ARHGAP44: variants seen among roughly 807,000 people sequenced by gnomAD.
The protein encoded by ARHGAP44 is rho GTPase-activating protein 44.
In ARHGAP44, 43 loss-of-function variants were observed where a neutral mutation model predicts 106.8. The observed-to-expected ratio is 0.40, with a 90% CI of 0.32 to 0.52. The LOEUF is 0.52. Among genes scored for constraint, ARHGAP44 ranks in the 20% least tolerant of loss-of-function variants. ARHGAP44 has a pLI of 0.48. For missense variants in ARHGAP44, 866 were observed against 1,050.5 expected (o/e 0.82, Z 2.43); for synonymous variants, 439 against 410.3 (o/e 1.07, Z -0.85).
intron 7 of ARHGAP44, among the ~76,000 whole-genome samples, chr17:12,937,569 A>G (rs562782842): frequency 5.9e-5 from 9 of 152,172 alleles, no homozygotes; most frequent in South Asian, 2.1e-4. Flanking sequence ...TGTGTCTCCA[A>G]TTTTCAGGGC....
At chr17:12,935,569 CAAAA>C (rs11364751) in intron 7 of ARHGAP44, among the ~76,000 whole-genome samples, 1 of 125,862 alleles carries the variant, frequency 7.9e-6, no homozygotes, top group Non-Finnish European at 1.7e-5. Context: ...GACTCCATCT[CAAAA>C]AAAAAAAAAA....
chr17:12,906,855 G>T (rs952572004), intron 3 of ARHGAP44, among the ~76,000 whole-genome samples: 5 of 152,092 alleles, frequency 3.3e-5, no homozygotes, highest in African/African-American at 1.2e-4. Context: ...CAGGAGGATT[G>T]CTTGGGCTTA....
At chr17:12,875,088 A>G (rs1489208767) in intron 1 of ARHGAP44, among the ~76,000 whole-genome samples, 1 of 152,122 alleles carries the variant, frequency 6.6e-6, no homozygotes, top group Non-Finnish European at 1.5e-5. Context: ...GGTTCTGAAC[A>G]TGTCTTAGAA....
chr17:12,973,384 G>C (rs536675690), intron 17 of ARHGAP44, 65 bp downstream of exon 17: 4 of 1,538,134 alleles, frequency 2.6e-6, no homozygotes, highest in South Asian at 2.4e-5. Flanking sequence ...CCTATGCATC[G>C]TAGTGAGTTC....
intron 6 of ARHGAP44, among the ~76,000 whole-genome samples, chr17:12,922,617 T>C (rs2038116411): frequency 6.6e-6 from 1 of 152,204 alleles, no homozygotes; most frequent in Non-Finnish European, 1.5e-5. Context: ...GGCTGAATGC[T>C]AGTATCAAAC....
chr17:12,821,293 TG>T (rs2034763572), intron 1 of ARHGAP44, among the ~76,000 whole-genome samples: 1 of 152,182 alleles, frequency 6.6e-6, no homozygotes, highest in Non-Finnish European at 1.5e-5. Context: ...GGTTATCAAT[TG>T]ATAGAAAACA....
At chr17:12,948,240 A>G (rs1036339755) in intron 10 of ARHGAP44, among the ~76,000 whole-genome samples, 2 of 152,206 alleles carry the variant, frequency 1.3e-5, no homozygotes, top group Admixed American at 6.5e-5. Context: ...TCTAAGGTGC[A>G]GTGGTTCACT....
chr17:12,892,985 T>G (rs983381677), intron 1 of ARHGAP44, among the ~76,000 whole-genome samples: 3 of 150,812 alleles, frequency 2.0e-5, no homozygotes, highest in Non-Finnish European at 4.4e-5. Context: ...TCAGTTTGAG[T>G]TTTTTTTTCT....
intron 16 of ARHGAP44, among the ~76,000 whole-genome samples, chr17:12,968,155 C>G (rs976474001): frequency 6.6e-6 from 1 of 152,184 alleles, no homozygotes; most frequent in Admixed American, 6.5e-5. Flanking sequence ...AAGGGGGCAA[C>G]GTGGCGGGGC....
intron 1 of ARHGAP44, among the ~76,000 whole-genome samples, chr17:12,800,609 C>T (rs1232175600): frequency 2.0e-5 from 3 of 152,158 alleles, no homozygotes; most frequent in South Asian, 2.1e-4. Flanking sequence ...ATCCTGATAC[C>T]GGCCAAAAGT....
In ARHGAP44 at chr17:12,957,379, A is replaced by G. The variant is rs1037493639; in HGVS notation, c.1342+633A>G. On this transcript the variant is annotated intron_variant, in intron 15 of 20. Transcript: ENST00000379672. The stretch of plus-strand genomic sequence containing the variant: ...GTTTCTTCAAATCTGCAAATCTTAG[A>G]ATGCTTGTGCAGGAAGGAAAGATCC... Among the ~76,000 whole-genome samples, 8 of 152,308 alleles carry G rather than the reference A, an allele frequency of 5.3e-5. 1 individual carries two copies.
chr17:12,946,747 G>A (rs1350510808), intron 10 of ARHGAP44, among the ~76,000 whole-genome samples: 1 of 151,592 alleles, frequency 6.6e-6, no homozygotes, highest in Non-Finnish European at 1.5e-5. Context: ...GTTGCAATGA[G>A]CCGAGATCAC....
At position 12,980,117 on chromosome 17, in the gene ARHGAP44, G is replaced by T; in HGVS notation, c.1823G>T (p.Ser608Ile). Residue 608 changes from serine (S) to isoleucine (I), a missense_variant, in exon 19 of 21, where the codon AGC (serine) becomes ATC (isoleucine). Physicochemically the swap from Ser to Ile is moderately radical, Grantham distance 142. Around this residue, in one of 2 missense-constraint regions of ARHGAP44, gnomAD observed 418 missense variants for 403.6 expected, o/e 1.04. Coordinates refer to ENST00000379672, the MANE Select transcript of ARHGAP44 (RefSeq NM_014859.6). ...GSAQKGSPGS[S>I]QGTACAGTQP... ...GCACAGAAAGGAAGTCCAGGCTCCA[G>T]CCAGGGCACAGCCTGTGCAGGGACT... The T allele has an allele frequency of 6.2e-7, 1 of 1,613,942 alleles. No homozygotes were observed. Among genetic ancestry groups the T allele is most frequent in the Non-Finnish European group, 8.5e-7 (1 of 1,179,832 alleles).
intron 15 of ARHGAP44, among the ~76,000 whole-genome samples, chr17:12,957,286 G>A (rs540789628): frequency 2.4e-4 from 37 of 152,284 alleles, no homozygotes; most frequent in Non-Finnish European, 5.3e-4. Context: ...GGACACTCTG[G>A]CCTGAAGGTG....
chr17:12,812,093 C>T (rs2034456870), intron 1 of ARHGAP44, among the ~76,000 whole-genome samples: 1 of 152,090 alleles, frequency 6.6e-6, no homozygotes, highest in African/African-American at 2.4e-5. Context: ...CTGCTTTGTG[C>T]CAAGGTCAGG....
At chr17:12,898,827 C>T (rs933649965) in intron 3 of ARHGAP44, among the ~76,000 whole-genome samples, 2 of 152,170 alleles carry the variant, frequency 1.3e-5, no homozygotes, top group Non-Finnish European at 2.9e-5. Flanking sequence ...CTAGAGAAGA[C>T]ACACAGTGGT....
chr17:12,956,647 G>T lies in ARHGAP44; in HGVS notation c.1251-8G>T. ...TCCACCCTGTTTGCCTCTGCTCTCT[G>T]CTTACAGGAACATTACAGAGATGAT... On this transcript the variant is annotated splice_region_variant and splice_polypyrimidine_tract_variant and intron_variant, in intron 14 of 20. Coordinates refer to ENST00000379672, the MANE Select transcript of ARHGAP44 (RefSeq NM_014859.6). 6.2e-7 allele frequency: 1 copy of T among 1,613,556 alleles called. No individual in the cohort carries two copies.
At chr17:12,976,633 G>C (rs932783882) in intron 18 of ARHGAP44, among the ~76,000 whole-genome samples, 2 of 116,186 alleles carry the variant, frequency 1.7e-5, no homozygotes, top group African/African-American at 6.8e-5. Context: ...AAAAAAAAAA[G>C]TATTTTCACT....
At chr17:12,927,316 CTT>C (rs2038276367) in intron 6 of ARHGAP44, among the ~76,000 whole-genome samples, 1 of 152,154 alleles carries the variant, frequency 6.6e-6, no homozygotes, top group African/African-American at 2.4e-5. Flanking sequence ...AGCAAGGAGA[CTT>C]TTAGTTTCCA....
Sources: gnomAD v4.1 joint callset for allele counts (sites outside exome capture counted in the v4.1 genomes callset) on GRCh38, gnomAD v4.1.1 for gene constraint, gnomAD v4.1.1 regional missense constraint, MANE v1.5 for transcripts, NCBI Gene and HGNC (gene_info 2026-07-23, HGNC 2026-07-21) for gene names.